The following UNC5D variants were observed in gnomAD, a reference collection of about 807,000 sequenced individuals.
UNC5D encodes unc-5 netrin receptor D.
Under a neutral mutation model 105.4 loss-of-function variants are expected in UNC5D, and 39 were observed. The ratio of observed to expected loss-of-function variants is 0.37; its 90% confidence interval spans 0.29 to 0.48. UNC5D has a LOEUF of 0.48. Ranked by LOEUF, UNC5D falls within the 20% of genes least tolerant of loss-of-function variation. UNC5D has a pLI of 0.98. For missense variants in UNC5D, 991 were observed against 1,202.4 expected (o/e 0.82, Z 2.60); for synonymous variants, 452 against 450.4 (o/e 1.00, Z -0.04).
chr8:35,717,843 C>T (rs921813270), intron 8 of UNC5D, among the ~76,000 whole-genome samples: 2 of 152,164 alleles, frequency 1.3e-5, no homozygotes, highest in South Asian at 4.1e-4. Context: ...CTCTTCTCTC[C>T]TTATAACAAC....
chr8:35,606,423 T>C (rs927312386), intron 4 of UNC5D, among the ~76,000 whole-genome samples: 3 of 152,228 alleles, frequency 2.0e-5, no homozygotes, highest in Admixed American at 6.5e-5. Context: ...GTCTATGGCT[T>C]TCTTTAAATT....
intron 1 of UNC5D, among the ~76,000 whole-genome samples, chr8:35,426,544 C>T (rs1161643027): frequency 6.6e-6 from 1 of 152,116 alleles, no homozygotes; most frequent in Non-Finnish European, 1.5e-5. Context: ...TCTAGTATCA[C>T]ACTAGGAGAG....
rs749806606 is a variant in UNC5D at position 35,766,917 on chromosome 8, C to T, written c.2329C>T (p.Arg777Cys). Residue 777 changes from arginine (R) to cysteine (C), a missense_variant, in exon 15 of 17, where the codon CGC (arginine) becomes TGC (cysteine). Transcript: ENST00000404895. ...FTACQEVPFS[R>C]VWCSNRQPLH... ...TCCCCTGCAGGAAGTCCCGTTCTCC[C>T]GCGTGTGGTGCAGTAACCGGCAGCC... 11 of 1,613,004 alleles carry T rather than the reference C, an allele frequency of 6.8e-6. No individual in the cohort carries two copies. The highest frequency in any genetic ancestry group is 9.3e-6 in the Non-Finnish European group (11 of 1,179,446).
chr8:35,237,177 A>G lies in UNC5D; in HGVS notation c.103+1290A>G, dbSNP rs566839319. 1.3e-3 allele frequency among the ~76,000 whole-genome samples: 171 copies of G among 132,686 alleles called. 1 individual carries two copies. The highest frequency in any genetic ancestry group is 4.5e-3 in the African/African-American group (155 of 34,316). 87.0% of individuals were successfully genotyped at this position (132,686 alleles called of 152,430 possible). On this transcript the variant is annotated intron_variant, in intron 1 of 16. Coordinates refer to ENST00000404895, the MANE Select transcript of UNC5D (RefSeq NM_080872.4). ...GCCCATTTGCATTTCATTTCCTGAA[A>G]AGTTTTTTTTTTTTTTTTTTTTTTT...
intron 1 of UNC5D, among the ~76,000 whole-genome samples, chr8:35,468,169 G>A (rs1412882989): frequency 6.6e-6 from 1 of 152,170 alleles, no homozygotes; most frequent in African/African-American, 2.4e-5. Context: ...GTAATGTGTT[G>A]GTCGTTTAGG....
intron 1 of UNC5D, among the ~76,000 whole-genome samples, chr8:35,404,529 T>G (rs1804677466): frequency 6.6e-6 from 1 of 152,162 alleles, no homozygotes; most frequent in South Asian, 2.1e-4. Flanking sequence ...AAGGGATATA[T>G]TCAGGCCTCA....
chr8:35,424,226 T>C (rs1210334081), intron 1 of UNC5D, among the ~76,000 whole-genome samples: 1 of 152,206 alleles, frequency 6.6e-6, no homozygotes, highest in Non-Finnish European at 1.5e-5. Flanking sequence ...ATTCATATAA[T>C]AGCTATAAGC....
intron 1 of UNC5D, among the ~76,000 whole-genome samples, chr8:35,348,831 T>A (rs1210505882): frequency 1.3e-5 from 2 of 151,850 alleles, no homozygotes; most frequent in Non-Finnish European, 2.9e-5. Flanking sequence ...TCAGGACACC[T>A]TTAGAGTCTT....
At chr8:35,549,643 A>AT (rs1815958907) in intron 2 of UNC5D, 133 bp downstream of exon 2, 1 of 818,060 alleles carries the variant, frequency 1.2e-6, no homozygotes, top group Non-Finnish European at 1.9e-6. Flanking sequence ...CACTCCCAGC[A>AT]TATAAGATGC....
chr8:35,299,242 CAA>C (rs1256564542), intron 1 of UNC5D, among the ~76,000 whole-genome samples: 2 of 152,142 alleles, frequency 1.3e-5, no homozygotes, highest in African/African-American at 4.8e-5. Flanking sequence ...GCAAGCAAAG[CAA>C]AGAGTGTGAC....
At chr8:35,364,717 T>A (rs891315785) in intron 1 of UNC5D, among the ~76,000 whole-genome samples, 2 of 152,150 alleles carry the variant, frequency 1.3e-5, no homozygotes, top group African/African-American at 4.8e-5. Flanking sequence ...TATACTAAAA[T>A]CCACAAGTTT....
intron 4 of UNC5D, among the ~76,000 whole-genome samples, chr8:35,682,772 A>C (rs1402486265): frequency 6.6e-6 from 1 of 152,192 alleles, no homozygotes; most frequent in African/African-American, 2.4e-5. Flanking sequence ...GGATAGGACC[A>C]AGATAAAACT....
At chr8:35,463,675 A>G (rs1181977780) in intron 1 of UNC5D, among the ~76,000 whole-genome samples, 1 of 151,688 alleles carries the variant, frequency 6.6e-6, no homozygotes, top group Non-Finnish European at 1.5e-5. Context: ...CGTCCCAGCT[A>G]CTTGAGAGGC....
At chr8:35,515,337 T>C (rs1453937603) in intron 1 of UNC5D, among the ~76,000 whole-genome samples, 2 of 152,210 alleles carry the variant, frequency 1.3e-5, no homozygotes, top group Non-Finnish European at 2.9e-5. Context: ...GAGTTTAATA[T>C]TTCTCTCTAG....
At chr8:35,559,295 G>A (rs1816788996) in intron 2 of UNC5D, among the ~76,000 whole-genome samples, 1 of 152,134 alleles carries the variant, frequency 6.6e-6, no homozygotes, top group South Asian at 2.1e-4. Context: ...GTATGGTTGG[G>A]GATATGAGAA....
chr8:35,288,807 T>C (rs1396587047), intron 1 of UNC5D, among the ~76,000 whole-genome samples: 1 of 152,198 alleles, frequency 6.6e-6, no homozygotes, highest in Non-Finnish European at 1.5e-5. Context: ...TGAGATATTT[T>C]ATGTAAGCCT....
At chr8:35,788,187 G>A (rs1802836503) in intron 16 of UNC5D, among the ~76,000 whole-genome samples, 1 of 151,648 alleles carries the variant, frequency 6.6e-6, no homozygotes. Flanking sequence ...GAATTGCTGT[G>A]TGTGTGTGTG....
At chr8:35,633,326 C>A (rs1236063915) in intron 4 of UNC5D, among the ~76,000 whole-genome samples, 2 of 152,196 alleles carry the variant, frequency 1.3e-5, no homozygotes, top group Non-Finnish European at 2.9e-5. Context: ...TGTGTCTCAT[C>A]TTTTTCTGAT....
At chr8:35,672,600 G>A (rs1824888771) in intron 4 of UNC5D, among the ~76,000 whole-genome samples, 1 of 152,122 alleles carries the variant, frequency 6.6e-6, no homozygotes, top group South Asian at 2.1e-4. Context: ...GGAAAACACA[G>A]CTGAAAAGCA....
Sources: gnomAD v4.1 joint callset for allele counts (sites outside exome capture counted in the v4.1 genomes callset) on GRCh38, gnomAD v4.1.1 for gene constraint, MANE v1.5 for transcripts, NCBI Gene and HGNC (gene_info 2026-07-23, HGNC 2026-07-21) for gene names.